Variants in PTGER3 observed in about 807,000 individuals in gnomAD.
PTGER3 encodes the protein prostaglandin E2 receptor EP3 subtype.
Under a neutral mutation model 34.7 loss-of-function variants are expected in PTGER3, and 22 were observed. The ratio of observed to expected loss-of-function variants is 0.63; its 90% CI spans 0.45 to 0.91. PTGER3 has a LOEUF of 0.91. Among genes scored for constraint, PTGER3 ranks in the 40% least tolerant of loss-of-function variants. PTGER3 has a pLI of 0.00. For missense variants in PTGER3, 468 were observed against 519.4 expected (o/e 0.90, Z 0.96); for synonymous variants, 241 against 230.1 (o/e 1.05, Z -0.43).
downstream of PTGER3, among the ~76,000 whole-genome samples, chr1:70,970,187 A>G (rs1652935268): frequency 2.0e-5 from 3 of 152,182 alleles, no homozygotes; most frequent in African/African-American, 7.2e-5. Flanking sequence ...GTTAGGTATG[A>G]AAAATCGGTT....
At chr1:71,040,142 A>AG (rs1491469180) in intron 1 of PTGER3, among the ~76,000 whole-genome samples, 1 of 151,778 alleles carries the variant, frequency 6.6e-6, no homozygotes, top group Non-Finnish European at 1.5e-5. Flanking sequence ...AAAGAGAGAA[A>AG]GAAAAAAAGA....
chr1:70,965,805 C>T (rs992315906), downstream of PTGER3, among the ~76,000 whole-genome samples: 19 of 152,086 alleles, frequency 1.2e-4, no homozygotes, highest in Admixed American at 6.6e-5. Flanking sequence ...TGTGGTTTAG[C>T]GTGTATTTTC....
At chr1:70,927,289 C>T (rs575031537) in intron 4 of PTGER3, among the ~76,000 whole-genome samples, 12 of 152,206 alleles carry the variant, frequency 7.9e-5, no homozygotes, top group African/African-American at 2.9e-4. Flanking sequence ...TGGTAGAATT[C>T]GGCTGTGAAT....
rs115200676 is a variant in PTGER3 at position 71,020,287 on chromosome 1, C to T, written c.898-7803G>A. On this transcript the variant is annotated intron_variant, in intron 1 of 3. Coordinates refer to ENST00000306666, the MANE Select transcript of PTGER3 (RefSeq NM_198719.2). ...ATTAAAAAAATTAGTAGAATTTGTG[C>T]CATTTCGTCATTACTACTACGTAAT... Among the ~76,000 whole-genome samples the T allele has an allele frequency of 4.3e-3, 655 of 152,110 alleles. 5 individuals carry two copies. The highest frequency in any genetic ancestry group is 0.015 in the African/African-American group (631 of 41,492).
Position 70,974,252 on chromosome 1 carries a change from C to A in PTGER3, c.1169+45G>T, listed in dbSNP as rs199695231. The A allele has an allele frequency of 1.4e-5, 23 of 1,605,074 alleles. No individual in the cohort carries two copies. In the African/African-American group the frequency reaches 2.7e-4, roughly 19 times the overall value. ...ATCAACTCCGATTAGAACAGAGAGACGGGGGAAGGCTATGCTATAAATCCC... is the reference window on the plus strand; with the variant it reads ...ATCAACTCCGATTAGAACAGAGAGAAGGGGGAAGGCTATGCTATAAATCCC... On this transcript the variant is annotated intron_variant, in intron 3 of 3. Coordinates refer to ENST00000306666, the MANE Select transcript of PTGER3 (RefSeq NM_198719.2).
intron 2 of PTGER3, among the ~76,000 whole-genome samples, chr1:70,986,940 A>T (rs1654981443): frequency 6.6e-6 from 1 of 152,152 alleles, no homozygotes; most frequent in Non-Finnish European, 1.5e-5. Context: ...CAGAGACCAA[A>T]CATCTGTAAG....
chr1:70,962,708 C>T (rs1652067144), intron 2 of PTGER3, among the ~76,000 whole-genome samples: 1 of 152,184 alleles, frequency 6.6e-6, no homozygotes, highest in African/African-American at 2.4e-5. Context: ...CAATTACCTC[C>T]CCTCAGGTCC....
At chr1:71,039,315 A>G (rs1194762409) in intron 1 of PTGER3, among the ~76,000 whole-genome samples, 1 of 152,060 alleles carries the variant, frequency 6.6e-6, no homozygotes, top group African/African-American at 2.4e-5. Context: ...CAGGGCTGAG[A>G]GAATGCAGAG....
chr1:70,990,875 G>A (rs796890548), intron 2 of PTGER3, among the ~76,000 whole-genome samples: 21 of 152,256 alleles, frequency 1.4e-4, no homozygotes, highest in African/African-American at 5.1e-4. Context: ...GATTATCTGT[G>A]TTTACCTGGA....
chr1:70,879,490 A>G (rs1646342266), intron 4 of PTGER3, among the ~76,000 whole-genome samples: 1 of 152,072 alleles, frequency 6.6e-6, no homozygotes, highest in African/African-American at 2.4e-5. Flanking sequence ...TCTAATGATC[A>G]TCCCACCTTG....
chr1:70,928,022 A>G (rs1031067005), intron 4 of PTGER3, among the ~76,000 whole-genome samples: 3 of 151,958 alleles, frequency 2.0e-5, no homozygotes, highest in East Asian at 1.9e-4. Context: ...AGCAACGTTT[A>G]TCTACTAGGT....
At chr1:70,966,182 A>G (rs765233307), downstream of PTGER3, among the ~76,000 whole-genome samples, 2 of 152,212 alleles carry the variant, frequency 1.3e-5, no homozygotes, top group African/African-American at 2.4e-5. Context: ...TTTATTGTAC[A>G]GGCTATATAT....
intron 4 of PTGER3, among the ~76,000 whole-genome samples, chr1:70,899,241 A>G (rs1249681390): frequency 6.6e-6 from 1 of 152,162 alleles, no homozygotes; most frequent in African/African-American, 2.4e-5. Flanking sequence ...CCTACTGTTT[A>G]CTGTCTAGTG....
At chr1:70,922,287 A>G (rs1647606745) in intron 4 of PTGER3, among the ~76,000 whole-genome samples, 1 of 152,308 alleles carries the variant, frequency 6.6e-6, no homozygotes, top group African/African-American at 2.4e-5. Context: ...AAGCAAAATG[A>G]CTGGTTGTTT....
At chr1:70,978,881 G>A (rs914526686) in intron 2 of PTGER3, among the ~76,000 whole-genome samples, 1 of 152,058 alleles carries the variant, frequency 6.6e-6, no homozygotes, top group African/African-American at 2.4e-5. Flanking sequence ...TTACAGATGA[G>A]GATATGAAGC....
chr1:70,960,376 T>C (rs186039188), intron 2 of PTGER3, among the ~76,000 whole-genome samples: 2 of 152,270 alleles, frequency 1.3e-5, no homozygotes, highest in Admixed American at 6.5e-5. Context: ...TTGCATATCA[T>C]TGATGCCAGA....
Position 70,869,183 on chromosome 1 carries a change from G to A in PTGER3, c.*24-16324C>T, listed in dbSNP as rs1436740053. The A allele has an allele frequency of 1.8e-5, 8 of 433,440 alleles. No individual in the cohort carries two copies. In the Admixed American group the frequency reaches 2.1e-4, roughly 11 times the overall value. 26.8% of individuals were successfully genotyped at this position (433,440 alleles called of 1,614,324 possible). On this transcript the variant is annotated intron_variant, in intron 4 of 4. Transcript: ENST00000370931. ...AGCAAGAGCAAGAGAGACTGTATGT[G>A]TGTCGGGGCAGGGGTGGTATCACAC...
chr1:70,927,824 T>G (rs907555246), intron 4 of PTGER3, among the ~76,000 whole-genome samples: 1 of 152,004 alleles, frequency 6.6e-6, no homozygotes, highest in Non-Finnish European at 1.5e-5. Flanking sequence ...TCCAGATACA[T>G]CAAGTAAAAT....
At chr1:71,032,961 G>A (rs916895221) in intron 1 of PTGER3, among the ~76,000 whole-genome samples, 10 of 152,108 alleles carry the variant, frequency 6.6e-5, no homozygotes, top group South Asian at 2.1e-4. Flanking sequence ...TGGGGATCAC[G>A]AATCTTATGA....
Sources: gnomAD v4.1 joint callset for allele counts (sites outside exome capture counted in the v4.1 genomes callset) on GRCh38, gnomAD v4.1.1 for gene constraint, MANE v1.5 for transcripts, NCBI Gene and HGNC (gene_info 2026-07-23, HGNC 2026-07-21) for gene names.